HSP90AA1: variants seen among roughly 807,000 people sequenced by gnomAD.
HSP90AA1 encodes heat shock protein HSP 90-alpha.
HSP90AA1 carries 18 observed loss-of-function variants against 73.3 expected under a neutral mutation model. The observed-to-expected ratio is 0.25, with a 90% CI of 0.17 to 0.36. The LOEUF (loss-of-function observed/expected upper bound fraction) is 0.36, where lower values mean the gene tolerates loss of function less well. HSP90AA1 is among the 10% of genes least tolerant of loss of function. HSP90AA1 has a pLI of 1.00. For missense variants in HSP90AA1, 704 were observed against 874.2 expected (o/e 0.81, Z 2.45); for synonymous variants, 477 against 296.9 (o/e 1.61, Z -6.24).
At chr14:102,139,564 C>T in exon 1 of HSP90AA1, 1 of 780,636 alleles carries the variant, frequency 1.3e-6, no homozygotes, top group Non-Finnish European at 2.0e-6. Context: ...GACACCAGCC[C>T]CGCCGCGGTT....
In HSP90AA1 at chr14:102,084,737, A is replaced by G; in HGVS notation, c.925T>C (p.Tyr309His). Residue 309 changes from tyrosine (Y) to histidine (H), a missense_variant, in exon 5 of 11, where the codon TAC becomes CAC. Transcript: ENST00000216281. ...GTCAAGCTCTTATAGAATTCTCCGT[A>G]CTCCTCATTAGTAATATCGTCGGGA... ...RNPDDITNEEYGEFYKSLTND... is the reference protein window; with the variant it reads ...RNPDDITNEEHGEFYKSLTND... 6.2e-7 allele frequency: 1 copy of G among 1,613,632 alleles called. No individual in the cohort carries two copies. The highest frequency in any genetic ancestry group is 8.5e-7 in the Non-Finnish European group (1 of 1,179,934).
chr14:102,136,567 CAAAA>C (rs1165638280), intron 1 of HSP90AA1, among the ~76,000 whole-genome samples: 7 of 53,238 alleles, frequency 1.3e-4, no homozygotes, highest in Admixed American at 1.2e-3. Flanking sequence ...AGACTCGTCT[CAAAA>C]AAAAAAAAAA....
At chr14:102,137,195 T>G (rs544499042) in intron 1 of HSP90AA1, among the ~76,000 whole-genome samples, 1 of 151,362 alleles carries the variant, frequency 6.6e-6, no homozygotes, top group East Asian at 2.0e-4. Flanking sequence ...GAGCTGAGAC[T>G]GTGCCACTGC....
intron 1 of HSP90AA1, among the ~76,000 whole-genome samples, chr14:102,134,322 C>CAAAAA (rs57081266): frequency 1.4e-5 from 1 of 69,090 alleles, no homozygotes; most frequent in Non-Finnish European, 2.6e-5. Flanking sequence ...GGCTCTGTCT[C>CAAAAA]AAAAAAAAAA....
intron 2 of HSP90AA1, among the ~76,000 whole-genome samples, chr14:102,096,871 G>A (rs11623574): frequency 0.71 from 107,631 of 152,146 alleles, 42,120 homozygotes; most frequent in Non-Finnish European, 0.87. Context: ...AATCAGGAAA[G>A]TGAGAATTAT....
At chr14:102,137,809 G>T (rs911939604) in intron 1 of HSP90AA1, among the ~76,000 whole-genome samples, 1 of 151,912 alleles carries the variant, frequency 6.6e-6, no homozygotes, top group African/African-American at 2.4e-5. Flanking sequence ...CAGGTCAAGA[G>T]ATCAAGACCA....
At chr14:102,139,718 G>A (rs944697852), upstream of HSP90AA1, 6 of 766,854 alleles carry the variant, frequency 7.8e-6, no homozygotes, top group African/African-American at 8.8e-5. Flanking sequence ...CCAGTCGGGT[G>A]GAGCACGCCA....
Position 102,086,018 on chromosome 14 carries a change from G to C in HSP90AA1, c.269C>G (p.Thr90Ser). 1 of 1,613,968 alleles carries C rather than the reference G, an allele frequency of 6.2e-7. No homozygotes were observed. The highest frequency in any genetic ancestry group is 8.5e-7 in the Non-Finnish European group (1 of 1,179,868). Reference protein sequence around the residue: ...LIPNKQDRTLTIVDTGIGMTK... With the variant: ...LIPNKQDRTLSIVDTGIGMTK... ...CATTCCAATTCCAGTATCCACAATA[G>C]TGAGAGTTCGATCTTGTTTGTTCGG... is the stretch of plus-strand genomic sequence containing the variant. The change falls in exon 3 of 11, where the codon ACT becomes AGT. Residue 90 changes from threonine to serine, a missense_variant. Coordinates refer to ENST00000216281, the MANE Select transcript of HSP90AA1 (RefSeq NM_005348.4).
intron 2 of HSP90AA1, among the ~76,000 whole-genome samples, chr14:102,101,255 C>T (rs2152619296): frequency 6.6e-6 from 1 of 152,336 alleles, no homozygotes. Context: ...AAATGTTCCA[C>T]CCACTGTGTC....
chr14:102,117,068 C>T (rs767180607), intron 1 of HSP90AA1, among the ~76,000 whole-genome samples: 6 of 152,282 alleles, frequency 3.9e-5, no homozygotes, highest in Non-Finnish European at 8.8e-5. Flanking sequence ...GGTGTGCACC[C>T]GCTCAGTGCA....
rs2049084522 is a variant in HSP90AA1 at position 102,080,962 on chromosome 14, T to C, written c.*750A>G. The stretch of plus-strand genomic sequence containing the variant: ...GAGCAGCTAGTGTTTAACCATCTCC[T>C]GCTAGCGCCTCATGTTTTACATTTT... On this transcript the variant is annotated 3_prime_UTR_variant, in exon 11 of 11. Coordinates refer to ENST00000216281, the MANE Select transcript of HSP90AA1 (RefSeq NM_005348.4). 1 of 227,566 alleles carries C rather than the reference T, an allele frequency of 4.4e-6. No homozygotes were observed. The allele number at this position is 227,566 out of a possible 1,614,324, so 14.1% of individuals were successfully genotyped here.
intron 1 of HSP90AA1, among the ~76,000 whole-genome samples, chr14:102,131,323 G>A (rs780372256): frequency 2.2e-4 from 34 of 152,146 alleles, no homozygotes; most frequent in Middle Eastern, 3.4e-3. Flanking sequence ...AAATCCTATC[G>A]GCTTTACCTT....
chr14:102,087,059 G>C (rs1186380722), upstream of HSP90AA1: 8 of 985,176 alleles, frequency 8.1e-6, no homozygotes, highest in Non-Finnish European at 9.6e-6. Context: ...CGCCACCCCC[G>C]CGCCTGCCTT....
chr14:102,103,577 G>T (rs1384968728), intron 1 of HSP90AA1, among the ~76,000 whole-genome samples: 3 of 151,918 alleles, frequency 2.0e-5, no homozygotes, highest in Admixed American at 2.0e-4. Flanking sequence ...GCCGAGGGGG[G>T]TGGATCACCT....
At chr14:102,090,803 A>G (rs1165889094), upstream of HSP90AA1, among the ~76,000 whole-genome samples, 1 of 152,210 alleles carries the variant, frequency 6.6e-6, no homozygotes, top group Non-Finnish European at 1.5e-5. Context: ...AGCATCCTAA[A>G]TATTTGTTGA....
Position 102,098,067 on chromosome 14 carries a change from C to T in HSP90AA1, c.366+3808G>A, listed in dbSNP as rs539879920. Among the ~76,000 whole-genome samples, 240 of 152,300 alleles carry T rather than the reference C, an allele frequency of 1.6e-3. 1 individual carries two copies. The highest frequency in any genetic ancestry group is 5.4e-3 in the African/African-American group (226 of 41,580). On this transcript the variant is annotated intron_variant, in intron 2 of 11. Coordinates refer to the HSP90AA1 transcript ENST00000334701. Reference sequence around the variant, plus strand: ...TTCCGGATGCCTTCCCTCCCTGCCACCTCCAGGGAGAGGGAGTGTTGGCTT... The same window carrying T: ...TTCCGGATGCCTTCCCTCCCTGCCATCTCCAGGGAGAGGGAGTGTTGGCTT...
In HSP90AA1 at chr14:102,084,412, G is replaced by T; in HGVS notation, c.1134C>A (p.Ile378=). 5 of 1,612,032 alleles carry T rather than the reference G, an allele frequency of 3.1e-6. No individual in the cohort carries two copies. Among genetic ancestry groups the T allele is most frequent in the Non-Finnish European group, 4.2e-6 (5 of 1,178,130 alleles). The change falls in exon 6 of 11, where the codon ATC becomes ATA. Residue 378 remains isoleucine (I), a synonymous_variant. Transcript: ENST00000216281. ...ATCTATACTTACTCAGATATTCAGG[G>T]ATTAGCTCCTCACAGTTATCCATGA... ...VFIMDNCEEL[I]PEYLNFIRGV... is the part of the protein sequence containing the mutation.
chr14:102,135,622 A>T (rs1463701211), intron 1 of HSP90AA1, among the ~76,000 whole-genome samples: 1 of 152,240 alleles, frequency 6.6e-6, no homozygotes, highest in Non-Finnish European at 1.5e-5. Flanking sequence ...TGGGAGGCTC[A>T]GGCATGGGGG....
intron 2 of HSP90AA1, among the ~76,000 whole-genome samples, chr14:102,094,104 A>G (rs1247987951): frequency 6.6e-6 from 1 of 152,230 alleles, no homozygotes; most frequent in Non-Finnish European, 1.5e-5. Context: ...GGGATGCTTC[A>G]GTACCAAAAC....
Sources: gnomAD v4.1 joint callset for allele counts (sites outside exome capture counted in the v4.1 genomes callset) on GRCh38, gnomAD v4.1.1 for gene constraint, MANE v1.5 for transcripts, NCBI Gene and HGNC (gene_info 2026-07-23, HGNC 2026-07-21) for gene names.